The following DUS2 variants were observed in gnomAD, a reference collection of about 807,000 sequenced individuals.
DUS2 encodes dihydrouridine synthase 2, also known as tRNA-dihydrouridine(20) synthase [NAD(P)+]-like.
In DUS2, 52 loss-of-function variants were observed where a neutral mutation model predicts 71.3. The ratio of observed to expected loss-of-function variants is 0.73; its 90% CI spans 0.58 to 0.92. The LOEUF (loss-of-function observed/expected upper bound fraction) is 0.92. DUS2 is among the 40% of genes least tolerant of loss of function. The pLI is 0.00. For synonymous variants in DUS2, 204 were observed against 227.8 expected, an observed-to-expected ratio of 0.90 and a Z score of 0.94; for missense variants, 558 against 622.6, an observed-to-expected ratio of 0.90 and a Z score of 1.10.
At chr16:68,046,237 C>A (rs2033699301) in intron 3 of DUS2, among the ~76,000 whole-genome samples, 1 of 152,050 alleles carries the variant, frequency 6.6e-6, no homozygotes, top group African/African-American at 2.4e-5. Flanking sequence ...TCTGTTGTTC[C>A]CATGTTTATG....
intron 9 of DUS2, 45 bp downstream of exon 9, chr16:68,066,427 T>TG: frequency 6.2e-7 from 1 of 1,602,926 alleles, no homozygotes; most frequent in Non-Finnish European, 8.5e-7. Context: ...TCTCTGGTGA[T>TG]GTTGGATTTA....
chr16:68,076,491 A>C (rs1290405243), intron 14 of DUS2, 141 bp from the exon 15 acceptor site: 8 of 582,724 alleles, frequency 1.4e-5, no homozygotes, highest in South Asian at 2.3e-5. Flanking sequence ...TAGGGGAGCA[A>C]GTACAGAAGC....
At chr16:68,030,005 CA>C (rs2033414629) in intron 2 of DUS2, among the ~76,000 whole-genome samples, 6 of 150,998 alleles carry the variant, frequency 4.0e-5, no homozygotes, top group Admixed American at 4.0e-4. Flanking sequence ...CTCAGCCTCC[CA>C]AAGTGCTGGG....
Position 68,056,365 on chromosome 16 carries a change from G to T in DUS2, c.310G>T (p.Glu104Ter), listed in dbSNP as rs925907245. ...CTTTACTCCTTCATCCTTTTCCAGA[G>T]AAAATGATGTGGCTGGTATTGATGT... ...ERALAVARLV[E>*]NDVAGIDVNM... Residue 104 changes from glutamate to a stop codon, truncating the protein, a stop_gained and splice_region_variant, in exon 7 of 17, where the codon GAA becomes TAA. Transcript: ENST00000565263. LOFTEE classifies it high-confidence loss of function. The T allele has an allele frequency of 3.7e-6, 6 of 1,613,400 alleles. No homozygotes were observed. Among genetic ancestry groups the T allele is most frequent in the Non-Finnish European group, 5.1e-6 (6 of 1,179,616 alleles).
intron 2 of DUS2, among the ~76,000 whole-genome samples, chr16:68,036,033 G>C (rs1437724819): frequency 6.7e-6 from 1 of 148,392 alleles, no homozygotes; most frequent in Non-Finnish European, 1.5e-5. Flanking sequence ...GTTTTCCTCT[G>C]TTGCTCAGGC....
At chr16:68,039,635 A>T (rs886950540) in intron 3 of DUS2, among the ~76,000 whole-genome samples, 1 of 151,934 alleles carries the variant, frequency 6.6e-6, no homozygotes, top group African/African-American at 2.4e-5. Flanking sequence ...GTTAGCCAGG[A>T]TGGTCTCGAT....
In DUS2 at chr16:68,078,498, A is replaced by G. The variant is rs2034190086; in HGVS notation, c.1224A>G (p.Gln408=). The G allele has an allele frequency of 1.9e-6, 3 of 1,613,960 alleles. No homozygotes were observed. The highest frequency in any genetic ancestry group is 3.3e-5 in the Admixed American group (2 of 60,010). The part of the protein sequence containing the change: ...LFSSIVTVAE[Q]KYQSTLWDKS... ...CCTCTATTGTCACCGTTGCTGAACA[A>G]AAGTATCAGTCTACCTTGTGGTAAG... Residue 408 remains glutamine (Q), a synonymous_variant, in exon 16 of 17, where the codon CAA becomes CAG. Transcript: ENST00000565263.
chr16:68,066,216 A>C, intron 8 of DUS2, 101 bp from the exon 9 acceptor site: 1 of 1,066,984 alleles, frequency 9.4e-7, no homozygotes, highest in Non-Finnish European at 1.5e-6. Context: ...CAAACTGTTC[A>C]TGCCACCGGA....
intron 3 of DUS2, among the ~76,000 whole-genome samples, chr16:68,044,779 A>G (rs1056239374): frequency 7.3e-5 from 11 of 151,252 alleles, no homozygotes; most frequent in African/African-American, 2.2e-4. Context: ...ATTATTTCCT[A>G]TGTGTTTTAT....
chr16:68,045,974 T>C (rs1338758442), intron 3 of DUS2, among the ~76,000 whole-genome samples: 2 of 152,196 alleles, frequency 1.3e-5, no homozygotes, highest in Non-Finnish European at 2.9e-5. Context: ...CTCCCCGGCC[T>C]CCCGAAGTGC....
Position 68,023,342 on chromosome 16 carries a change from C to G in DUS2, c.-108C>G. Reference sequence around the variant, plus strand: ...AGAAGCGAGGTTCTTTTTAAGAGTTCAGCTGCGAGGTCTGTAGCTCCGAAT... The same window carrying G: ...AGAAGCGAGGTTCTTTTTAAGAGTTGAGCTGCGAGGTCTGTAGCTCCGAAT... On this transcript the variant is annotated 5_prime_UTR_variant, in exon 1 of 17. Coordinates refer to ENST00000565263, the MANE Select transcript of DUS2 (RefSeq NM_017803.5). 2.8e-6 allele frequency: 3 copies of G among 1,059,094 alleles called. No homozygotes were observed. The highest frequency in any genetic ancestry group is 4.0e-6 in the Non-Finnish European group (3 of 744,528). 65.6% of individuals were successfully genotyped at this position (1,059,094 alleles called of 1,614,324 possible). A position where few individuals can be genotyped will look rare whatever the true frequency, so the allele number is the denominator to read the frequency against.
intron 3 of DUS2, among the ~76,000 whole-genome samples, chr16:68,040,090 T>C (rs2033599936): frequency 6.9e-6 from 1 of 145,700 alleles, no homozygotes. Context: ...TTTTTTTTCT[T>C]TTTTTTTTTT....
chr16:68,074,168 A>G lies in DUS2; in HGVS notation c.932+13A>G, dbSNP rs978463662. ...CCCGGGAAATTTGGTAAGAGGCACA[A>G]TAAGATGTCCATCTGTCCTTGTACG... is the stretch of plus-strand genomic sequence containing the variant. On this transcript the variant is annotated intron_variant, in intron 13 of 16. Coordinates refer to ENST00000565263, the MANE Select transcript of DUS2 (RefSeq NM_017803.5). 8 of 1,613,802 alleles carry G rather than the reference A, an allele frequency of 5.0e-6. No individual in the cohort carries two copies. The highest frequency in any genetic ancestry group is 1.7e-5 in the Admixed American group (1 of 59,998).
chr16:68,066,618 C>A lies in DUS2; in HGVS notation c.536C>A (p.Ala179Asp), dbSNP rs1250161678. 6.2e-7 allele frequency: 1 copy of A among 1,614,136 alleles called. No individual in the cohort carries two copies. The highest frequency in any genetic ancestry group is 1.7e-5 in the Admixed American group (1 of 60,028). Residue 179 changes from alanine to aspartate, a missense_variant, in exon 10 of 17, where the codon GCC (alanine) becomes GAC (aspartate). Transcript: ENST00000565263. ...VKRIERTGIA[A>D]IAVHGRKREE... ...CGGATAGAGAGGACTGGCATTGCTGCCATCGCAGTTCATGGGAGGTGAGTG... is the reference window on the plus strand; with the variant it reads ...CGGATAGAGAGGACTGGCATTGCTGACATCGCAGTTCATGGGAGGTGAGTG...
intron 8 of DUS2, among the ~76,000 whole-genome samples, chr16:68,062,844 G>T (rs1450318701): frequency 6.6e-6 from 1 of 152,034 alleles, no homozygotes; most frequent in Non-Finnish European, 1.5e-5. Context: ...GGTTCAAGGT[G>T]CCTGGGTATA....
intron 2 of DUS2, among the ~76,000 whole-genome samples, chr16:68,026,405 T>C (rs2151406272): frequency 6.6e-6 from 1 of 152,312 alleles, no homozygotes; most frequent in Middle Eastern, 3.4e-3. Flanking sequence ...GTGCTATTGG[T>C]ATTACTTTAT....
At chr16:68,074,765 T>C (rs1478519138) in intron 13 of DUS2, among the ~76,000 whole-genome samples, 3 of 152,354 alleles carry the variant, frequency 2.0e-5, no homozygotes, top group Admixed American at 6.5e-5. Context: ...ACTTTTGCCA[T>C]TGGGGATCTA....
intron 4 of DUS2, among the ~76,000 whole-genome samples, chr16:68,050,627 T>G (rs1236648500): frequency 6.6e-6 from 1 of 152,172 alleles, no homozygotes; most frequent in Non-Finnish European, 1.5e-5. Flanking sequence ...TTTATATATA[T>G]CCCTCTTCTA....
intron 5 of DUS2, chr16:68,054,011 ATAT>A (rs762600859): frequency 5.6e-5 from 12 of 214,592 alleles, no homozygotes; most frequent in Non-Finnish European, 1.0e-4. Flanking sequence ...TCATAGAAAA[ATAT>A]TAGGATTTTT....
Sources: gnomAD v4.1 joint callset for allele counts (sites outside exome capture counted in the v4.1 genomes callset) on GRCh38, gnomAD v4.1.1 for gene constraint, MANE v1.5 for transcripts, NCBI Gene and HGNC (gene_info 2026-07-23, HGNC 2026-07-21) for gene names.